The following PRXL2A variants were observed in gnomAD, a reference collection of about 807,000 sequenced individuals.
PRXL2A encodes peroxiredoxin-like 2A.
PRXL2A carries 26 observed loss-of-function variants against 25.6 expected under a neutral mutation model. The observed-to-expected ratio is 1.02, with a 90% CI of 0.74 to 1.41. The LOEUF (loss-of-function observed/expected upper bound fraction) is 1.41, where lower values mean the gene tolerates loss of function less well. Ranked by LOEUF, PRXL2A falls within the 40% of genes most tolerant of loss-of-function variation. PRXL2A has a pLI of 0.00. For synonymous variants in PRXL2A, 98 were observed against 102.9 expected, an observed-to-expected ratio of 0.95 and a Z score of 0.29; for missense variants, 246 against 273.9, an observed-to-expected ratio of 0.90 and a Z score of 0.72.
At chr10:80,431,306 A>C (rs908048001) in intron 5 of PRXL2A, among the ~76,000 whole-genome samples, 2 of 147,420 alleles carry the variant, frequency 1.4e-5, no homozygotes, top group Admixed American at 6.7e-5. Context: ...TTTTTTTTTT[A>C]AGTCTTTATA....
intron 1 of PRXL2A, among the ~76,000 whole-genome samples, chr10:80,413,272 G>C (rs73305107): frequency 0.034 from 5,109 of 152,164 alleles, 285 homozygotes; most frequent in African/African-American, 0.12. Context: ...ATAGGAACTT[G>C]GAAGTCAATA....
chr10:80,422,586 G>T (rs925551379), intron 3 of PRXL2A, 78 bp downstream of exon 3: 2 of 1,143,410 alleles, frequency 1.7e-6, no homozygotes, highest in Admixed American at 2.0e-5. Flanking sequence ...AGAACCAAGG[G>T]TCGGTAAGCC....
At chr10:80,421,137 A>G (rs1390148285) in intron 2 of PRXL2A, among the ~76,000 whole-genome samples, 2 of 152,158 alleles carry the variant, frequency 1.3e-5, no homozygotes, top group Non-Finnish European at 1.5e-5. Context: ...ACATATGCTT[A>G]TTAGAATGAG....
upstream of PRXL2A, among the ~76,000 whole-genome samples, chr10:80,408,185 AC>A (rs1844335645): frequency 6.7e-6 from 1 of 149,628 alleles, no homozygotes; most frequent in African/African-American, 2.5e-5. Context: ...AAAAAAAAAA[AC>A]CTATCAAAAG....
intron 1 of PRXL2A, among the ~76,000 whole-genome samples, chr10:80,414,276 A>G (rs1444647142): frequency 6.6e-6 from 1 of 152,180 alleles, no homozygotes; most frequent in African/African-American, 2.4e-5. Flanking sequence ...GGTGGATCAG[A>G]TAAGCCCAGC....
chr10:80,423,013 C>T (rs1233651061), intron 3 of PRXL2A, among the ~76,000 whole-genome samples: 1 of 152,208 alleles, frequency 6.6e-6, no homozygotes, highest in Non-Finnish European at 1.5e-5. Flanking sequence ...GAGCCACATT[C>T]TCACATGTTA....
At position 80,426,208 on chromosome 10, in the gene PRXL2A, C is replaced by T. The variant is rs1845039181; in HGVS notation, c.411+202C>T. The stretch of plus-strand genomic sequence containing the variant: ...AGCTGTCCTCTCAGTTACAGACAGT[C>T]CCTGACCATCTGGTGGTTTGACTTA... On this transcript the variant is annotated intron_variant, in intron 4 of 5. Coordinates refer to ENST00000606162, the MANE Select transcript of PRXL2A (RefSeq NM_032333.5). Among the ~76,000 whole-genome samples the T allele has an allele frequency of 2.0e-5, 3 of 152,216 alleles. No homozygotes were observed. The South Asian group carries it at 6.2e-4, about 32-fold the overall frequency.
intron 1 of PRXL2A, among the ~76,000 whole-genome samples, chr10:80,416,671 A>G (rs1564689271): frequency 6.6e-6 from 1 of 152,100 alleles, no homozygotes; most frequent in Non-Finnish European, 1.5e-5. Flanking sequence ...CCAAGCCCAG[A>G]CCGCCCTCGT....
chr10:80,416,013 C>T (rs1334348878), intron 1 of PRXL2A, among the ~76,000 whole-genome samples: 1 of 152,196 alleles, frequency 6.6e-6, no homozygotes, highest in Non-Finnish European at 1.5e-5. Flanking sequence ...CTATGTGCTC[C>T]TGAGTCATAA....
At chr10:80,417,714 C>T (rs977912374) in intron 1 of PRXL2A, among the ~76,000 whole-genome samples, 3 of 151,500 alleles carry the variant, frequency 2.0e-5, no homozygotes, top group East Asian at 1.9e-4. Context: ...TGGTTACCCC[C>T]GTTACCTGGA....
intron 4 of PRXL2A, 42 bp from the exon 5 acceptor site, chr10:80,427,290 A>T (rs779365337): frequency 1.3e-6 from 2 of 1,580,146 alleles, no homozygotes; most frequent in Non-Finnish European, 1.7e-6. Context: ...GAAGGCAGGC[A>T]TGTAGAGTAC....
rs1313201063 is a variant in PRXL2A, at chr10:80,425,928, A to C, written c.333A>C (p.Ala111=). The change falls in exon 4 of 6, where the codon GCA becomes GCC. Residue 111 remains alanine (A), a synonymous_variant. Transcript: ENST00000606162. ...ACCAGCTGGGCGTCCCCCTCTATGC[A>C]GTGGTAAAGGAGCACATCAGGACTG... The part of the protein sequence containing the change: ...MLDQLGVPLY[A]VVKEHIRTEV... 1 of 1,614,222 alleles carries C rather than the reference A, an allele frequency of 6.2e-7. No individual in the cohort carries two copies. The highest frequency in any genetic ancestry group is 1.3e-5 in the African/African-American group (1 of 75,054).
At position 80,436,313 on chromosome 10, in the gene PRXL2A, T is replaced by A. The variant is rs1002267529; in HGVS notation, c.*4214T>A. On this transcript the variant is annotated 3_prime_UTR_variant, in exon 6 of 6. Transcript: ENST00000606162. Reference sequence around the variant, plus strand: ...AATTTTTTGTAGAGGCAAGCTCTTATACTATCTTGCACAGGCTGGTCTCGA... The same window carrying A: ...AATTTTTTGTAGAGGCAAGCTCTTAAACTATCTTGCACAGGCTGGTCTCGA... 6.6e-6 allele frequency: 1 copy of A among 152,124 alleles called. No homozygotes were observed. The highest frequency in any genetic ancestry group is 1.9e-4 in the East Asian group (1 of 5,192). The allele number at this position is 152,124 out of a possible 1,614,324, so 9.4% of individuals were successfully genotyped here.
intron 1 of PRXL2A, among the ~76,000 whole-genome samples, chr10:80,419,220 GT>G: frequency 6.6e-6 from 1 of 151,958 alleles, no homozygotes; most frequent in Admixed American, 6.5e-5. Context: ...TCTTGACCTC[GT>G]GATTCACCTG....
At chr10:80,409,174 C>G (rs1844383779) in intron 1 of PRXL2A, 6 of 621,178 alleles carry the variant, frequency 9.7e-6, no homozygotes, top group Non-Finnish European at 1.2e-5. Context: ...GGCACCTGTT[C>G]CCCCTCTTTC....
At chr10:80,420,267 C>T in intron 1 of PRXL2A, 199 bp from the exon 2 acceptor site, 2 of 1,331,162 alleles carry the variant, frequency 1.5e-6, no homozygotes, top group Admixed American at 3.5e-5. Flanking sequence ...GCAGGAACCT[C>T]CATGTGTGTG....
At chr10:80,417,222 G>A (rs980213401) in intron 1 of PRXL2A, among the ~76,000 whole-genome samples, 9 of 152,234 alleles carry the variant, frequency 5.9e-5, no homozygotes, top group Admixed American at 2.6e-4. Flanking sequence ...CAGGTGCAAG[G>A]CTCTAAATCT....
At chr10:80,426,088 C>G in intron 4 of PRXL2A, 82 bp downstream of exon 4, 1 of 1,561,342 alleles carries the variant, frequency 6.4e-7, no homozygotes, top group African/African-American at 1.3e-5. Context: ...CCAGGTATGT[C>G]TGGCCTGGAG....
chr10:80,419,959 A>G, intron 1 of PRXL2A: 5 of 985,348 alleles, frequency 5.1e-6, no homozygotes, highest in East Asian at 1.1e-4. Flanking sequence ...CTAAAGAGGA[A>G]AGAAGATAGG....
Sources: gnomAD v4.1 joint callset for allele counts (sites outside exome capture counted in the v4.1 genomes callset) on GRCh38, gnomAD v4.1.1 for gene constraint, MANE v1.5 for transcripts, NCBI Gene and HGNC (gene_info 2026-07-23, HGNC 2026-07-21) for gene names.